The following ADK variants were observed in gnomAD, a reference collection of about 807,000 sequenced individuals.
The protein encoded by ADK is N6,N6-dimethyladenosine kinase.
Under a neutral mutation model 44.7 loss-of-function variants are expected in ADK, and 24 were observed. The observed-to-expected ratio is 0.54, with a 90% CI of 0.39 to 0.76. ADK has a LOEUF of 0.76. ADK is among the 30% of genes least tolerant of loss of function. The probability of loss-of-function intolerance (pLI) is 0.00; values close to 1 mark genes in which losing one functional copy is unlikely to be tolerated. For synonymous variants in ADK, 128 were observed against 142.6 expected (o/e 0.90, Z 0.73); for missense variants, 321 against 425.1 (o/e 0.76, Z 2.15).
chr10:74,273,223 C>T (rs1330065743), intron 3 of ADK, among the ~76,000 whole-genome samples: 1 of 152,050 alleles, frequency 6.6e-6, no homozygotes, highest in Non-Finnish European at 1.5e-5. Flanking sequence ...CAGGCTCTAC[C>T]TCAGTTGCGG....
chr10:74,422,175 G>A (rs1844577709), intron 6 of ADK, among the ~76,000 whole-genome samples: 1 of 152,200 alleles, frequency 6.6e-6, no homozygotes, highest in African/African-American at 2.4e-5. Context: ...TCATGCTGAT[G>A]TGAAGAGGTG....
chr10:74,457,187 A>G (rs1439321575), intron 6 of ADK, among the ~76,000 whole-genome samples: 1 of 152,262 alleles, frequency 6.6e-6, no homozygotes, highest in Non-Finnish European at 1.5e-5. Context: ...CTACCATCAG[A>G]GAATACTATA....
rs761417587 is a variant in ADK at position 74,394,105 on chromosome 10, T to G, written c.274-36T>G. On this transcript the variant is annotated intron_variant, in intron 4 of 10. Coordinates refer to ENST00000539909, the MANE Select transcript of ADK (RefSeq NM_006721.4). ...ATATTAAACTATGTGTACCATTTTT[T>G]TGCCCCATTAAATTATTTATGTTCC... The G allele has an allele frequency of 2.5e-6, 4 of 1,606,530 alleles. 1 individual carries two copies. Among genetic ancestry groups the G allele is most frequent in the Non-Finnish European group, 8.5e-7 (1 of 1,173,340 alleles).
chr10:74,415,970 G>A (rs1372996494), intron 6 of ADK, among the ~76,000 whole-genome samples: 2 of 150,626 alleles, frequency 1.3e-5, no homozygotes, highest in South Asian at 4.2e-4. Flanking sequence ...AGTCTTTTAA[G>A]CTTTTGCTCA....
chr10:74,299,634 G>T (rs1429462206), intron 3 of ADK, among the ~76,000 whole-genome samples: 1 of 142,504 alleles, frequency 7.0e-6, no homozygotes, highest in Non-Finnish European at 1.6e-5. Context: ...CATATATATG[G>T]ATCAGAAAAA....
chr10:74,392,373 A>G (rs1287606995), intron 4 of ADK, among the ~76,000 whole-genome samples: 1 of 152,014 alleles, frequency 6.6e-6, no homozygotes, highest in East Asian at 1.9e-4. Context: ...GTGTGAAGTG[A>G]TATCTCATTG....
At chr10:74,450,999 A>G (rs1011019525) in intron 6 of ADK, among the ~76,000 whole-genome samples, 7 of 151,512 alleles carry the variant, frequency 4.6e-5, no homozygotes, top group African/African-American at 1.7e-4. Context: ...CCAAGGAAAA[A>G]CAATACAACT....
intron 3 of ADK, among the ~76,000 whole-genome samples, chr10:74,241,737 C>G (rs1024882467): frequency 3.9e-5 from 6 of 152,172 alleles, no homozygotes; most frequent in Non-Finnish European, 5.9e-5. Context: ...AGGCCTTGCT[C>G]TGTCTCCCAG....
intron 4 of ADK, among the ~76,000 whole-genome samples, chr10:74,316,650 C>T (rs1055075357): frequency 1.3e-5 from 2 of 152,136 alleles, no homozygotes; most frequent in African/African-American, 2.4e-5. Flanking sequence ...AACTGTGAGT[C>T]AACTAAAACT....
At chr10:74,679,532 T>TGTG (rs1418877119) in intron 10 of ADK, among the ~76,000 whole-genome samples, 1 of 152,192 alleles carries the variant, frequency 6.6e-6, no homozygotes, top group Non-Finnish European at 1.5e-5. Flanking sequence ...TGGGATTCAC[T>TGTG]GATCAACCAT....
intron 6 of ADK, among the ~76,000 whole-genome samples, chr10:74,480,299 C>G (rs1004283794): frequency 6.6e-6 from 1 of 150,694 alleles, no homozygotes; most frequent in Non-Finnish European, 1.5e-5. Flanking sequence ...TATGATCATA[C>G]TTTACTACAG....
intron 4 of ADK, among the ~76,000 whole-genome samples, chr10:74,383,043 C>T (rs1843025018): frequency 6.6e-6 from 1 of 151,886 alleles, no homozygotes; most frequent in Non-Finnish European, 1.5e-5. Context: ...GATTCATACT[C>T]CTTCTTAGTA....
chr10:74,324,723 C>T lies in ADK; in HGVS notation c.273+9978C>T, dbSNP rs150668251. Reference sequence around the variant, plus strand: ...TGAATAATGAAGCAGTAAATATGGACGTGCAGATATATCTTAATCATTTCC... The same window carrying T: ...TGAATAATGAAGCAGTAAATATGGATGTGCAGATATATCTTAATCATTTCC... On this transcript the variant is annotated intron_variant, in intron 4 of 10. Transcript: ENST00000539909. Among the ~76,000 whole-genome samples, 10 of 152,132 alleles carry T rather than the reference C, an allele frequency of 6.6e-5. No individual in the cohort carries two copies. The East Asian group carries it at 1.7e-3, about 26-fold the overall frequency.
At chr10:74,553,002 T>G (rs1850088358) in intron 7 of ADK, among the ~76,000 whole-genome samples, 1 of 151,846 alleles carries the variant, frequency 6.6e-6, no homozygotes, top group South Asian at 2.1e-4. Flanking sequence ...ACCACACATT[T>G]GAAAAACTGT....
chr10:74,225,009 C>CAAA (rs1462376436), intron 3 of ADK, among the ~76,000 whole-genome samples: 3 of 152,196 alleles, frequency 2.0e-5, no homozygotes, highest in Admixed American at 6.5e-5. Context: ...TAATGATAGA[C>CAAA]AAATATAATT....
intron 6 of ADK, among the ~76,000 whole-genome samples, chr10:74,481,337 C>T (rs142251324): frequency 4.6e-5 from 7 of 152,108 alleles, no homozygotes; most frequent in African/African-American, 1.7e-4. Flanking sequence ...CTTAGATTCA[C>T]TTTTCCTCTT....
At chr10:74,196,962 A>G (rs1005934560) in intron 1 of ADK, among the ~76,000 whole-genome samples, 2 of 152,214 alleles carry the variant, frequency 1.3e-5, no homozygotes, top group Admixed American at 1.3e-4. Flanking sequence ...TGTTAAATTT[A>G]TCCCAAGGCA....
At chr10:74,606,784 A>G (rs967201823) in intron 9 of ADK, among the ~76,000 whole-genome samples, 1 of 152,124 alleles carries the variant, frequency 6.6e-6, no homozygotes, top group Non-Finnish European at 1.5e-5. Context: ...AGTCCTGAAT[A>G]TCGTTGTTAA....
intron 9 of ADK, among the ~76,000 whole-genome samples, chr10:74,618,291 T>TAG: frequency 2.0e-5 from 3 of 152,300 alleles, no homozygotes; most frequent in Non-Finnish European, 4.4e-5. Flanking sequence ...AGTATTTTTT[T>TAG]CTTTTTCTTC....
Sources: allele counts gnomAD v4.1 joint callset (sites outside exome capture counted in the v4.1 genomes callset), GRCh38; gene constraint gnomAD v4.1.1; transcripts MANE v1.5; gene names NCBI Gene and HGNC (gene_info 2026-07-23, HGNC 2026-07-21).